The following WDR27 variants were observed in gnomAD, a reference collection of about 807,000 sequenced individuals.
WDR27 encodes the protein WD repeat domain 27.
In WDR27, 100 loss-of-function variants were observed where a neutral mutation model predicts 114.4. That is an observed-to-expected ratio of 0.87 (90% CI 0.74 to 1.03). The LOEUF (loss-of-function observed/expected upper bound fraction) is 1.03. WDR27 is among the 50% of genes least tolerant of loss of function. The probability of loss-of-function intolerance (pLI) is 0.00; values close to 1 mark genes in which losing one functional copy is unlikely to be tolerated. For synonymous variants in WDR27, 449 were observed against 423.1 expected, an observed-to-expected ratio of 1.06 and a Z score of -0.75; for missense variants, 1,129 against 1,092.9, an observed-to-expected ratio of 1.03 and a Z score of -0.47.
At chr6:169,678,072 C>T (rs1780524694) in intron 2 of WDR27, among the ~76,000 whole-genome samples, 1 of 152,236 alleles carries the variant, frequency 6.6e-6, no homozygotes. Context: ...GTTGGAGCCC[C>T]CACACAGAGT....
intron 23 of WDR27, among the ~76,000 whole-genome samples, chr6:169,585,470 C>T (rs191657025): frequency 1.3e-5 from 2 of 152,268 alleles, no homozygotes; most frequent in East Asian, 3.9e-4. Flanking sequence ...CCTTGAGCAA[C>T]ATGGTGGCTA....
chr6:169,688,156 C>T (rs1435295234), intron 2 of WDR27, among the ~76,000 whole-genome samples: 1 of 152,018 alleles, frequency 6.6e-6, no homozygotes, highest in African/African-American at 2.4e-5. Flanking sequence ...TTATTTTAGC[C>T]TTTCAAAAAC....
At chr6:169,441,891 T>G in the WDR27 span, among the ~76,000 whole-genome samples, 1 of 151,446 alleles carries the variant, frequency 6.6e-6, no homozygotes, top group African/African-American at 2.4e-5. Context: ...TATTTGACTT[T>G]GACAATACTC....
chr6:169,506,088 T>C (rs914716332), intron 25 of WDR27, among the ~76,000 whole-genome samples: 1 of 152,250 alleles, frequency 6.6e-6, no homozygotes, highest in Non-Finnish European at 1.5e-5. Flanking sequence ...TTCAATGGAA[T>C]TGTAATTTAT....
rs1020524254 is a variant in WDR27 at position 169,642,021 on chromosome 6, T to G, written c.1747+1676A>C. On this transcript the variant is annotated intron_variant, in intron 17 of 25. Transcript: ENST00000448612. ...GAAATCTAAAGCAGAAACACATAAC[T>G]CCTTTATTAAATTAAATACGGTTGC... 3.3e-5 allele frequency among the ~76,000 whole-genome samples: 5 copies of G among 152,176 alleles called. No individual in the cohort carries two copies. In the East Asian group the frequency reaches 9.6e-4, roughly 29 times the overall value.
intron 23 of WDR27, among the ~76,000 whole-genome samples, chr6:169,587,985 G>C (rs1804977819): frequency 6.6e-6 from 1 of 152,166 alleles, no homozygotes; most frequent in African/African-American, 2.4e-5. Flanking sequence ...GCATCTCCAG[G>C]GGCACTTCCT....
intron 25 of WDR27, among the ~76,000 whole-genome samples, chr6:169,551,278 C>T (rs1202545808): frequency 6.6e-6 from 1 of 152,134 alleles, no homozygotes; most frequent in Non-Finnish European, 1.5e-5. Context: ...GCTCCAATCA[C>T]TTCGCTAAGT....
intron 25 of WDR27, among the ~76,000 whole-genome samples, chr6:169,528,376 C>A (rs1040722891): frequency 4.6e-5 from 7 of 152,128 alleles, no homozygotes; most frequent in Non-Finnish European, 1.0e-4. Flanking sequence ...AACTGAAACC[C>A]TTTCTGATCC....
intron 25 of WDR27, among the ~76,000 whole-genome samples, chr6:169,571,293 A>C (rs979498841): frequency 3.9e-5 from 6 of 152,240 alleles, no homozygotes; most frequent in Non-Finnish European, 8.8e-5. Flanking sequence ...TGACTCAATG[A>C]AGAATACTGG....
At chr6:169,633,796 C>A (rs1455040763) in intron 20 of WDR27, among the ~76,000 whole-genome samples, 2 of 152,188 alleles carry the variant, frequency 1.3e-5, no homozygotes, top group South Asian at 2.1e-4. Context: ...TTTCTTATTT[C>A]TGCTAGGTAT....
At chr6:169,615,028 C>T (rs1346131005) in intron 21 of WDR27, among the ~76,000 whole-genome samples, 1 of 151,620 alleles carries the variant, frequency 6.6e-6, no homozygotes, top group Non-Finnish European at 1.5e-5. Context: ...TGTGTTCAAT[C>T]CAATAGAGGG....
chr6:169,699,566 C>T (rs900477839), intron 1 of WDR27, among the ~76,000 whole-genome samples: 1 of 152,182 alleles, frequency 6.6e-6, no homozygotes, highest in Admixed American at 6.5e-5. Flanking sequence ...GGGCTCAGGG[C>T]TGACTGCCTG....
At chr6:169,637,553 T>G (rs192755984) in intron 18 of WDR27, among the ~76,000 whole-genome samples, 18 of 152,384 alleles carry the variant, frequency 1.2e-4, no homozygotes, top group Non-Finnish European at 5.9e-5. Context: ...ATTGCATGTG[T>G]GTGAATATGT....
intron 25 of WDR27, among the ~76,000 whole-genome samples, chr6:169,462,651 C>T (rs1785063102): frequency 6.6e-6 from 1 of 152,040 alleles, no homozygotes; most frequent in Non-Finnish European, 1.5e-5. Context: ...AATACCAAGG[C>T]CAAATAAGAT....
intron 22 of WDR27, among the ~76,000 whole-genome samples, chr6:169,610,318 G>A (rs1003776569): frequency 3.3e-5 from 5 of 152,146 alleles, no homozygotes; most frequent in Non-Finnish European, 7.4e-5. Context: ...AGACATACCC[G>A]AGACTGGGCA....
chr6:169,512,137 A>G (rs1285472410), intron 25 of WDR27, among the ~76,000 whole-genome samples: 1 of 152,190 alleles, frequency 6.6e-6, no homozygotes, highest in African/African-American at 2.4e-5. Context: ...CTGACAAAAT[A>G]TATTTTTTAG....
chr6:169,557,319 G>A lies in WDR27; in HGVS notation c.2645+15100C>T, dbSNP rs77825707. Among the ~76,000 whole-genome samples, 206 of 152,314 alleles carry A rather than the reference G, an allele frequency of 1.4e-3. 4 individuals carry two copies. The East Asian group carries it at 0.032, about 24-fold the overall frequency. ...CCAAATGGCATTCATGTGACAACCCGGAACAGACAAAGCCAGTCTGTGATG... is the reference window on the plus strand; with the variant it reads ...CCAAATGGCATTCATGTGACAACCCAGAACAGACAAAGCCAGTCTGTGATG... On this transcript the variant is annotated intron_variant, in intron 25 of 25. Coordinates refer to ENST00000448612, the MANE Select transcript of WDR27 (RefSeq NM_182552.5).
intron 25 of WDR27, among the ~76,000 whole-genome samples, chr6:169,521,120 G>C (rs73789996): frequency 6.6e-6 from 1 of 152,022 alleles, no homozygotes; most frequent in Non-Finnish European, 1.5e-5. Context: ...CAAGGAAAGA[G>C]AGATAATCCT....
chr6:169,605,862 C>T (rs1809060008), intron 22 of WDR27, among the ~76,000 whole-genome samples: 3 of 152,164 alleles, frequency 2.0e-5, no homozygotes, highest in African/African-American at 7.2e-5. Context: ...GGGGAAAGGA[C>T]ACCCTTTGTA....
Sources: allele counts gnomAD v4.1 joint callset (sites outside exome capture counted in the v4.1 genomes callset), GRCh38; gene constraint gnomAD v4.1.1; transcripts MANE v1.5; gene names NCBI Gene and HGNC (gene_info 2026-07-23, HGNC 2026-07-21).